The following OR6P1 variants were observed in gnomAD, a reference collection of about 807,000 sequenced individuals.
OR6P1 encodes the protein olfactory receptor 6P1.
OR6P1 carries 5 observed loss-of-function variants against 6.6 expected under a neutral mutation model. That is an observed-to-expected ratio of 0.76 (90% CI 0.40 to 1.60). The LOEUF (loss-of-function observed/expected upper bound fraction) is 1.60. Among genes scored for constraint, OR6P1 ranks in the 40% most tolerant of loss-of-function variants. The pLI is 0.02. For synonymous variants in OR6P1, 177 were observed against 149.6 expected (o/e 1.18, Z -1.33); for missense variants, 451 against 383.0 (o/e 1.18, Z -1.48).
Position 158,562,643 on chromosome 1 carries a change from G to A in OR6P1, c.*8C>T. On this transcript the variant is annotated 3_prime_UTR_variant, in exon 3 of 3. Transcript: ENST00000641540. ...GCTATTTTCACCTCTCCCAAGACCT[G>A]TTGTATATCAGTCCTGAACATCCCT... 6.6e-7 allele frequency: 1 copy of A among 1,509,958 alleles called. No individual in the cohort carries two copies. Among genetic ancestry groups the A allele is most frequent in the Non-Finnish European group, 9.0e-7 (1 of 1,108,386 alleles). The allele number at this position is 1,509,958 out of a possible 1,614,324, so 93.5% of individuals were successfully genotyped here.
At chr1:158,569,749 A>AT (rs1174572773) in intron 1 of OR6P1, among the ~76,000 whole-genome samples, 2 of 152,142 alleles carry the variant, frequency 1.3e-5, no homozygotes, top group African/African-American at 2.4e-5. Context: ...AAGATGAGTG[A>AT]TTTTTTTCCT....
At chr1:158,567,788 TATA>T (rs1648134810) in intron 1 of OR6P1, among the ~76,000 whole-genome samples, 2 of 141,966 alleles carry the variant, frequency 1.4e-5, no homozygotes, top group African/African-American at 5.3e-5. Context: ...AAACTTAAAG[TATA>T]ATAATAAATA....
At position 158,561,618 on chromosome 1, in the gene OR6P1, G is replaced by A. The variant is rs942500416; in HGVS notation, c.*1033C>T. 3 of 152,126 alleles carry A rather than the reference G, an allele frequency of 2.0e-5. No homozygotes were observed. The highest frequency in any genetic ancestry group is 7.2e-5 in the African/African-American group (3 of 41,430). The allele number at this position is 152,126 out of a possible 1,614,324, so 9.4% of individuals were successfully genotyped here. Reference sequence around the variant, plus strand: ...TCAATATGCAGAAATTTGTGTAAATGAGCCTAGATTCAAGATAAGAAAAAT... The same window carrying A: ...TCAATATGCAGAAATTTGTGTAAATAAGCCTAGATTCAAGATAAGAAAAAT... On this transcript the variant is annotated 3_prime_UTR_variant, in exon 3 of 3. Transcript: ENST00000641540.
intron 2 of OR6P1, among the ~76,000 whole-genome samples, chr1:158,565,799 T>TA (rs759227740): frequency 2.0e-5 from 3 of 152,200 alleles, no homozygotes; most frequent in Non-Finnish European, 4.4e-5. Flanking sequence ...CTAGTTCACA[T>TA]ATAAGTGATA....
chr1:158,560,702 G>T lies in OR6P1; in HGVS notation c.*1949C>A, dbSNP rs971716277. ...TCTTAGCTCAGGTAGGTGGACATAA[G>T]ATTTTCATCAAGGGGTGCAGAGTCC... On this transcript the variant is annotated 3_prime_UTR_variant, in exon 3 of 3. Coordinates refer to ENST00000641540, the MANE Select transcript of OR6P1 (RefSeq NM_001160325.2). 1 of 152,138 alleles carries T rather than the reference G, an allele frequency of 6.6e-6. No individual in the cohort carries two copies. Among genetic ancestry groups the T allele is most frequent in the African/African-American group, 2.4e-5 (1 of 41,434 alleles). 9.4% of individuals were successfully genotyped at this position (152,138 alleles called of 1,614,324 possible). A position where few individuals can be genotyped will look rare whatever the true frequency, so the allele number is the denominator to read the frequency against.
intron 2 of OR6P1, 130 bp from the exon 3 acceptor site, chr1:158,563,756 C>G (rs1025073910): frequency 5.2e-6 from 3 of 580,102 alleles, no homozygotes; most frequent in Non-Finnish European, 8.8e-6. Flanking sequence ...TTCCTCTTCA[C>G]TTTGCTGTTT....
At chr1:158,568,626 C>T (rs1043906226) in intron 1 of OR6P1, among the ~76,000 whole-genome samples, 3 of 152,130 alleles carry the variant, frequency 2.0e-5, no homozygotes, top group African/African-American at 7.2e-5. Flanking sequence ...TTTTATTTGC[C>T]TTTGAATGCT....
chr1:158,568,305 G>C (rs1648149945), intron 1 of OR6P1, among the ~76,000 whole-genome samples: 1 of 152,030 alleles, frequency 6.6e-6, no homozygotes, highest in Non-Finnish European at 1.5e-5. Flanking sequence ...CTTTCTTTTT[G>C]TTTCTTACTT....
chr1:158,567,839 A>AC (rs1648137883), intron 1 of OR6P1, among the ~76,000 whole-genome samples: 1 of 151,288 alleles, frequency 6.6e-6, no homozygotes, highest in African/African-American at 2.5e-5. Flanking sequence ...ACACACACAC[A>AC]AAAAAGAAAT....
chr1:158,560,953 T>A lies in OR6P1; in HGVS notation c.*1698A>T, dbSNP rs1647937810. ...TGCCATAAGTAATTTTGTGTAGTAATGTTTATTAGGTTTCTAGAGAACCAG... is the reference window on the plus strand; with the variant it reads ...TGCCATAAGTAATTTTGTGTAGTAAAGTTTATTAGGTTTCTAGAGAACCAG... On this transcript the variant is annotated 3_prime_UTR_variant, in exon 3 of 3. Coordinates refer to ENST00000641540, the MANE Select transcript of OR6P1 (RefSeq NM_001160325.2). The A allele has an allele frequency of 6.6e-6, 1 of 152,154 alleles. No homozygotes were observed. The highest frequency in any genetic ancestry group is 1.5e-5 in the Non-Finnish European group (1 of 68,006). 9.4% of individuals were successfully genotyped at this position (152,154 alleles called of 1,614,324 possible).
In OR6P1 at chr1:158,562,829, TAG is replaced by T. The variant is rs748876245; in HGVS notation, c.774_775del (p.Tyr259CysfsTer54). On this transcript the variant is annotated frameshift_variant, in exon 3 of 3. Transcript: ENST00000641540. LOFTEE classifies it high-confidence loss of function. ...GGTGTACATGGCCCGGGGCCGTGCA[TAG>T]GTGAAGAGAGTGGAGGAGTAGTAGA... 5.8e-6 allele frequency: 9 copies of T among 1,551,900 alleles called. No individual in the cohort carries two copies. The African/African-American group carries it at 1.1e-4, about 19-fold the overall frequency.
chr1:158,563,998 G>T (rs867649665), intron 2 of OR6P1, among the ~76,000 whole-genome samples: 1 of 152,300 alleles, frequency 6.6e-6, no homozygotes, highest in Middle Eastern at 3.4e-3. Context: ...GGGAATAAAA[G>T]AAAGTGTGAC....
intron 1 of OR6P1, 35 bp from the exon 2 acceptor site, chr1:158,566,893 A>G (rs1444650533): frequency 6.6e-6 from 1 of 152,192 alleles, no homozygotes; most frequent in Non-Finnish European, 1.5e-5. Context: ...CAATCCACTC[A>G]TCTGACAAAG....
chr1:158,564,151 G>C (rs1000047765), intron 2 of OR6P1, among the ~76,000 whole-genome samples: 1 of 152,150 alleles, frequency 6.6e-6, no homozygotes, highest in African/African-American at 2.4e-5. Flanking sequence ...TCCAAATAGA[G>C]AGACAATTCA....
chr1:158,564,305 A>C (rs1299746017), intron 2 of OR6P1, among the ~76,000 whole-genome samples: 2 of 152,228 alleles, frequency 1.3e-5, no homozygotes, highest in African/African-American at 4.8e-5. Flanking sequence ...TGAACTTCTG[A>C]AAGTTGTACA....
chr1:158,565,192 C>T (rs863345), intron 2 of OR6P1, among the ~76,000 whole-genome samples: 81,153 of 151,972 alleles, frequency 0.53, 22,501 homozygotes, highest in African/African-American at 0.7. Context: ...ACAACATCTA[C>T]TTTTTATCAG....
At chr1:158,563,713 G>A (rs1648029903) in intron 2 of OR6P1, 87 bp from the exon 3 acceptor site, 1 of 653,394 alleles carries the variant, frequency 1.5e-6, no homozygotes, top group Non-Finnish European at 2.6e-6. Context: ...AACCACTGAA[G>A]AGCTTAGTGG....
intron 2 of OR6P1, among the ~76,000 whole-genome samples, chr1:158,564,351 T>C (rs1648044274): frequency 6.6e-6 from 1 of 152,190 alleles, no homozygotes; most frequent in African/African-American, 2.4e-5. Context: ...TGTTACATCA[T>C]ACGGCAAATA....
rs758271009 is a variant in OR6P1 at position 158,568,963 on chromosome 1, C to T, written c.-118+1479G>A. 7.3e-4 allele frequency among the ~76,000 whole-genome samples: 111 copies of T among 152,174 alleles called. 1 individual carries two copies. Among genetic ancestry groups the T allele is most frequent in the African/African-American group, 2.0e-3 (83 of 41,504 alleles). On this transcript the variant is annotated intron_variant, in intron 1 of 2. Coordinates refer to ENST00000641540, the MANE Select transcript of OR6P1 (RefSeq NM_001160325.2). ...TGCTTTGGCCATAATACATAACCAACGTATATTTATCAAATTAGTTAAGAA... is the reference window on the plus strand; with the variant it reads ...TGCTTTGGCCATAATACATAACCAATGTATATTTATCAAATTAGTTAAGAA...
Sources: gnomAD v4.1 joint callset for allele counts (sites outside exome capture counted in the v4.1 genomes callset) on GRCh38, gnomAD v4.1.1 for gene constraint, MANE v1.5 for transcripts, NCBI Gene and HGNC (gene_info 2026-07-23, HGNC 2026-07-21) for gene names.